The following DNM3 variants were observed in gnomAD, a reference collection of about 807,000 sequenced individuals.
The protein encoded by DNM3 is dynamin-3.
In DNM3, 47 loss-of-function variants were observed where a neutral mutation model predicts 101.6. The ratio of observed to expected loss-of-function variants is 0.46; its 90% CI spans 0.37 to 0.59. DNM3 has a LOEUF of 0.59. Among genes scored for constraint, DNM3 ranks in the 20% least tolerant of loss-of-function variants. DNM3 has a pLI of 0.00. For missense variants in DNM3, 849 were observed against 1,085.7 expected (o/e 0.78, Z 3.06); for synonymous variants, 385 against 387.9 (o/e 0.99, Z 0.09).
chr1:172,160,087 G>A (rs569670951), intron 14 of DNM3, among the ~76,000 whole-genome samples: 2 of 151,374 alleles, frequency 1.3e-5, no homozygotes, highest in South Asian at 2.1e-4. Context: ...AGGTACACCT[G>A]TAAAGGGCGT....
chr1:172,169,073 G>A (rs185078005), intron 14 of DNM3, among the ~76,000 whole-genome samples: 93 of 151,832 alleles, frequency 6.1e-4, no homozygotes, highest in Non-Finnish European at 1.0e-3. Flanking sequence ...TCTTTTGAGC[G>A]CTCACCATAG....
chr1:172,118,624 C>T (rs1405857050), intron 13 of DNM3, among the ~76,000 whole-genome samples: 1 of 151,906 alleles, frequency 6.6e-6, no homozygotes, highest in African/African-American at 2.4e-5. Flanking sequence ...ATTGATTCAC[C>T]ATATGAAATC....
intron 14 of DNM3, among the ~76,000 whole-genome samples, chr1:172,156,325 C>T (rs1024173212): frequency 6.6e-6 from 1 of 152,094 alleles, no homozygotes; most frequent in African/African-American, 2.4e-5. Flanking sequence ...AAAACTCATG[C>T]TCCATCCCCA....
chr1:172,219,933 G>T (rs2060847362), intron 14 of DNM3, among the ~76,000 whole-genome samples: 1 of 152,122 alleles, frequency 6.6e-6, no homozygotes, highest in Admixed American at 6.6e-5. Flanking sequence ...ATACACATGA[G>T]CAGGGAATTT....
At chr1:172,002,478 C>G (rs1014395288) in intron 4 of DNM3, among the ~76,000 whole-genome samples, 4 of 152,056 alleles carry the variant, frequency 2.6e-5, no homozygotes, top group African/African-American at 9.7e-5. Context: ...TTGAACAAGA[C>G]AAACGCTAAG....
At chr1:172,198,097 T>C (rs2060020072) in intron 14 of DNM3, among the ~76,000 whole-genome samples, 1 of 152,148 alleles carries the variant, frequency 6.6e-6, no homozygotes, top group Non-Finnish European at 1.5e-5. Flanking sequence ...GCCTAGTTTA[T>C]TGAGAGTTTT....
chr1:172,020,721 CAAAAAAAA>C (rs3051630), intron 4 of DNM3, among the ~76,000 whole-genome samples: 10 of 66,354 alleles, frequency 1.5e-4, no homozygotes, highest in African/African-American at 3.2e-4. Context: ...GAGACTCCGT[CAAAAAAAA>C]AAAAAAAAAA....
At chr1:171,969,573 G>T (rs917699181) in intron 2 of DNM3, among the ~76,000 whole-genome samples, 1 of 152,098 alleles carries the variant, frequency 6.6e-6, no homozygotes, top group Non-Finnish European at 1.5e-5. Flanking sequence ...TCCTAGAAAC[G>T]GGGGGTCTTA....
chr1:171,971,819 G>T (rs1256246872), intron 2 of DNM3, among the ~76,000 whole-genome samples: 1 of 152,176 alleles, frequency 6.6e-6, no homozygotes, highest in Non-Finnish European at 1.5e-5. Flanking sequence ...ATACGAAAAT[G>T]AAGTCCAGAC....
At chr1:172,104,213 G>GT (rs963904689) in intron 13 of DNM3, among the ~76,000 whole-genome samples, 8 of 152,004 alleles carry the variant, frequency 5.3e-5, no homozygotes, top group African/African-American at 1.9e-4. Flanking sequence ...TTGACTTTCA[G>GT]TTTTTTTACT....
intron 4 of DNM3, among the ~76,000 whole-genome samples, chr1:171,990,745 C>A (rs2045577851): frequency 6.6e-6 from 1 of 152,066 alleles, no homozygotes; most frequent in South Asian, 2.1e-4. Flanking sequence ...TTCTCCAATT[C>A]TTAGGCCTTT....
chr1:172,305,620 T>C (rs1270512197), intron 15 of DNM3, among the ~76,000 whole-genome samples: 2 of 152,192 alleles, frequency 1.3e-5, no homozygotes, highest in African/African-American at 4.8e-5. Flanking sequence ...TGAACATCGA[T>C]GCAAAAATCC....
chr1:172,125,116 C>G lies in DNM3; in HGVS notation c.1546-6059C>G, dbSNP rs572919330. Among the ~76,000 whole-genome samples the G allele has an allele frequency of 3.3e-5, 5 of 152,240 alleles. No individual in the cohort carries two copies. The South Asian group carries it at 1.0e-3, about 32-fold the overall frequency. On this transcript the variant is annotated intron_variant, in intron 13 of 20. Transcript: ENST00000627582. ...ATGTGAACTACCTTTATAGAAGCAG[C>G]TGCTTATCTACTGAGAAAGCCTAGT...
intron 14 of DNM3, among the ~76,000 whole-genome samples, chr1:172,228,441 C>T (rs1028889504): frequency 4.6e-5 from 7 of 152,048 alleles, no homozygotes; most frequent in African/African-American, 1.4e-4. Flanking sequence ...TGCCAGTGGA[C>T]TTTTACCACA....
At chr1:172,046,164 A>G (rs2049777902) in intron 9 of DNM3, among the ~76,000 whole-genome samples, 1 of 152,202 alleles carries the variant, frequency 6.6e-6, no homozygotes, top group Non-Finnish European at 1.5e-5. Context: ...CCAAATGTCC[A>G]ACAATGATAG....
At chr1:172,258,003 T>G (rs1351299452) in intron 15 of DNM3, among the ~76,000 whole-genome samples, 2 of 152,112 alleles carry the variant, frequency 1.3e-5, no homozygotes, top group Non-Finnish European at 2.9e-5. Flanking sequence ...ATAAACTTTT[T>G]AAACTCCTAT....
At chr1:171,877,846 C>T (rs576451568) in intron 1 of DNM3, among the ~76,000 whole-genome samples, 1 of 152,208 alleles carries the variant, frequency 6.6e-6, no homozygotes, top group African/African-American at 2.4e-5. Context: ...TGAATTGCCT[C>T]ATTCATATCT....
At chr1:171,997,734 G>T (rs1203247538) in intron 4 of DNM3, among the ~76,000 whole-genome samples, 2 of 152,112 alleles carry the variant, frequency 1.3e-5, no homozygotes, top group Admixed American at 1.3e-4. Context: ...AGTTCAATGT[G>T]CTGTATCACC....
At chr1:172,220,573 C>T (rs748101157) in intron 14 of DNM3, among the ~76,000 whole-genome samples, 3 of 152,000 alleles carry the variant, frequency 2.0e-5, no homozygotes, top group African/African-American at 7.2e-5. Flanking sequence ...TTCTCTTTAT[C>T]TCAGTTCACA....
Sources: gnomAD v4.1 joint callset for allele counts (sites outside exome capture counted in the v4.1 genomes callset) on GRCh38, gnomAD v4.1.1 for gene constraint, MANE v1.5 for transcripts, NCBI Gene and HGNC (gene_info 2026-07-23, HGNC 2026-07-21) for gene names.